Variants in HS6ST2 observed in about 807,000 individuals in gnomAD.
HS6ST2 encodes the protein heparan-sulfate 6-O-sulfotransferase 2.
Under a neutral mutation model 33.0 loss-of-function variants are expected in HS6ST2, and 17 were observed. The observed-to-expected ratio is 0.52, with a 90% CI of 0.35 to 0.77. The LOEUF is 0.77. Among genes scored for constraint, HS6ST2 ranks in the 30% least tolerant of loss-of-function variants. The pLI, the probability that HS6ST2 is intolerant of heterozygous loss-of-function variation, is 0.01. For synonymous variants in HS6ST2, 248 were observed against 237.1 expected, an observed-to-expected ratio of 1.05 and a Z score of -0.42; for missense variants, 519 against 551.7, an observed-to-expected ratio of 0.94 and a Z score of 0.59.
chrX:132,679,907 G>A lies in HS6ST2; in HGVS notation c.981-10708C>T, dbSNP rs1277008891. Among the ~76,000 whole-genome samples the A allele has an allele frequency of 5.5e-5, 6 of 109,728 alleles. No homozygotes were observed. The Admixed American group carries it at 5.9e-4, about 11-fold the overall frequency. On this transcript the variant is annotated intron_variant, in intron 3 of 4. Transcript: ENST00000370833. The stretch of plus-strand genomic sequence containing the variant: ...TCCACCTGGCTCACCAGCGGTCAGA[G>A]TTTAAGGTTATCTCTCTTGTTTCCT...
chrX:132,882,874 C>T (rs190639478), intron 2 of HS6ST2, among the ~76,000 whole-genome samples: 7 of 111,625 alleles, frequency 6.3e-5, no homozygotes, highest in East Asian at 5.6e-4. Context: ...TCTGCATCTA[C>T]TGAGATAATC....
At chrX:132,894,987 T>C (rs893035255) in intron 2 of HS6ST2, among the ~76,000 whole-genome samples, 2 of 112,579 alleles carry the variant, frequency 1.8e-5, no homozygotes, top group African/African-American at 6.4e-5. Context: ...TAAGTGAATG[T>C]GTATTTTTAA....
At chrX:132,925,267 A>G (rs1462836074) in intron 2 of HS6ST2, among the ~76,000 whole-genome samples, 1 of 111,904 alleles carries the variant, frequency 8.9e-6, no homozygotes, top group Admixed American at 9.5e-5. Context: ...GTACCTTGGC[A>G]TCTGGCTGTT....
intron 2 of HS6ST2, among the ~76,000 whole-genome samples, chrX:132,912,091 G>T (rs772876253): frequency 2.3e-4 from 26 of 112,527 alleles, no homozygotes; most frequent in African/African-American, 3.5e-4. Flanking sequence ...TTGTCCTCTT[G>T]AGTCTCCTGA....
At chrX:132,948,935 T>A (rs1181370296) in intron 2 of HS6ST2, among the ~76,000 whole-genome samples, 3 of 111,958 alleles carry the variant, frequency 2.7e-5, no homozygotes, top group Non-Finnish European at 3.8e-5. Flanking sequence ...CGGTGTAGTT[T>A]CAGTGGAGTT....
At chrX:132,697,893 G>A (rs2064114829) in intron 3 of HS6ST2, among the ~76,000 whole-genome samples, 1 of 111,654 alleles carries the variant, frequency 9.0e-6, no homozygotes, top group South Asian at 3.8e-4. Flanking sequence ...CTCAAGACAG[G>A]GAGCTAACGT....
intron 2 of HS6ST2, among the ~76,000 whole-genome samples, chrX:132,755,387 C>T (rs747257488): frequency 8.9e-6 from 1 of 112,017 alleles, no homozygotes; most frequent in African/African-American, 3.2e-5. Context: ...GTATTTTCTG[C>T]CTCAGTCCTG....
chrX:132,772,322 C>T (rs1441210884), intron 2 of HS6ST2, among the ~76,000 whole-genome samples: 14 of 110,436 alleles, frequency 1.3e-4, no homozygotes, highest in Non-Finnish European at 5.7e-5. Flanking sequence ...GACCACCACA[C>T]TCTAAATTTA....
intron 2 of HS6ST2, among the ~76,000 whole-genome samples, chrX:132,748,369 G>A (rs958982444): frequency 8.0e-5 from 9 of 111,895 alleles, no homozygotes; most frequent in Admixed American, 1.9e-4. Context: ...GAAAAGGACC[G>A]CTGGTAATAG....
chrX:132,909,958 T>C (rs1437669326), intron 2 of HS6ST2, among the ~76,000 whole-genome samples: 1 of 110,786 alleles, frequency 9.0e-6, no homozygotes, highest in Non-Finnish European at 1.9e-5. Context: ...ATCACTTAAA[T>C]AGCTACAGAG....
intron 2 of HS6ST2, among the ~76,000 whole-genome samples, chrX:132,891,302 T>C (rs1219287737): frequency 2.8e-5 from 3 of 106,196 alleles, no homozygotes; most frequent in Non-Finnish European, 5.8e-5. Flanking sequence ...TTGGTAAACA[T>C]TTGGATAAGC....
At chrX:132,706,446 C>T (rs1418610437) in intron 3 of HS6ST2, among the ~76,000 whole-genome samples, 1 of 112,149 alleles carries the variant, frequency 8.9e-6, no homozygotes, top group Non-Finnish European at 1.9e-5. Flanking sequence ...AATTTGCTTA[C>T]AGTCAACTGC....
intron 2 of HS6ST2, among the ~76,000 whole-genome samples, chrX:132,894,619 C>A (rs1033227593): frequency 1.8e-5 from 2 of 110,511 alleles, no homozygotes; most frequent in Non-Finnish European, 3.8e-5. Flanking sequence ...TCACTGCAAC[C>A]TCTGCCTCTG....
At chrX:132,819,387 C>T (rs1410812669) in intron 2 of HS6ST2, among the ~76,000 whole-genome samples, 1 of 111,456 alleles carries the variant, frequency 9.0e-6, no homozygotes, top group Non-Finnish European at 1.9e-5. Context: ...CTGGGATTCA[C>T]CAGCTTTGAA....
At chrX:132,955,439 T>C (rs2067058431) in intron 2 of HS6ST2, among the ~76,000 whole-genome samples, 1 of 112,291 alleles carries the variant, frequency 8.9e-6, no homozygotes, top group Non-Finnish European at 1.9e-5. Flanking sequence ...ATCTCAATGG[T>C]AATCTGAAAG....
At chrX:132,890,036 T>C (rs2066292499) in intron 2 of HS6ST2, among the ~76,000 whole-genome samples, 1 of 111,703 alleles carries the variant, frequency 9.0e-6, no homozygotes. Context: ...AGTAACTCTT[T>C]GTACCCAATG....
intron 2 of HS6ST2, among the ~76,000 whole-genome samples, chrX:132,894,787 C>T (rs1362505262): frequency 7.2e-5 from 8 of 111,599 alleles, no homozygotes; most frequent in Non-Finnish European, 9.4e-5. Flanking sequence ...CCACCAGCCT[C>T]GGCCTCCCAA....
intron 2 of HS6ST2, among the ~76,000 whole-genome samples, chrX:132,862,559 A>G (rs2065922768): frequency 1.8e-5 from 2 of 112,543 alleles, no homozygotes; most frequent in South Asian, 7.4e-4. Context: ...TGTCAATACC[A>G]TAGCTACTGG....
At chrX:132,793,208 C>G (rs1602682277) in intron 2 of HS6ST2, among the ~76,000 whole-genome samples, 1 of 107,293 alleles carries the variant, frequency 9.3e-6, no homozygotes, top group South Asian at 4.3e-4. Flanking sequence ...TTATAGGCAC[C>G]CACCACCACG....
Sources: gnomAD v4.1 joint callset for allele counts (sites outside exome capture counted in the v4.1 genomes callset) on GRCh38, gnomAD v4.1.1 for gene constraint, MANE v1.5 for transcripts, NCBI Gene and HGNC (gene_info 2026-07-23, HGNC 2026-07-21) for gene names.